The following KCNB2 variants were observed in gnomAD, a reference collection of about 807,000 sequenced individuals.
KCNB2 encodes the protein potassium voltage-gated channel subfamily B member 2.
A neutral mutation model predicts 61.5 loss-of-function variants in KCNB2; 15 were observed. The ratio of observed to expected loss-of-function variants is 0.24; its 90% CI spans 0.16 to 0.38. The LOEUF (loss-of-function observed/expected upper bound fraction) is 0.38. Ranked by LOEUF, KCNB2 falls within the 10% of genes least tolerant of loss-of-function variation. The probability of loss-of-function intolerance (pLI) is 1.00; values close to 1 mark genes in which losing one functional copy is unlikely to be tolerated. For missense variants in KCNB2, 828 were observed against 1,125.2 expected, an observed-to-expected ratio of 0.74 and a Z score of 3.78; for synonymous variants, 457 against 446.0, an observed-to-expected ratio of 1.02 and a Z score of -0.31.
At chr8:72,702,462 T>C (rs1309128713) in intron 2 of KCNB2, among the ~76,000 whole-genome samples, 1 of 152,132 alleles carries the variant, frequency 6.6e-6, no homozygotes, top group Non-Finnish European at 1.5e-5. Context: ...CTGGTTTTGT[T>C]TTCATTTTGT....
At chr8:72,746,398 TG>T (rs1808067826) in intron 2 of KCNB2, among the ~76,000 whole-genome samples, 1 of 152,176 alleles carries the variant, frequency 6.6e-6, no homozygotes, top group Non-Finnish European at 1.5e-5. Context: ...AGAACCTCAA[TG>T]TCCTTAACAT....
chr8:72,928,901 C>T (rs1460934499), intron 2 of KCNB2, among the ~76,000 whole-genome samples: 2 of 151,738 alleles, frequency 1.3e-5, no homozygotes, highest in African/African-American at 4.8e-5. Flanking sequence ...TAAAAATGAG[C>T]ATTAAATAGT....
At chr8:72,899,749 A>G (rs1185684241) in intron 2 of KCNB2, among the ~76,000 whole-genome samples, 2 of 152,190 alleles carry the variant, frequency 1.3e-5, no homozygotes, top group East Asian at 3.8e-4. Context: ...AAATGGAAAA[A>G]CATCCCATCC....
chr8:72,827,858 G>T (rs759662190), intron 2 of KCNB2, among the ~76,000 whole-genome samples: 52 of 151,566 alleles, frequency 3.4e-4, no homozygotes, highest in Non-Finnish European at 6.8e-4. Context: ...TGCCGCCCAG[G>T]CTAGACTCCA....
At chr8:72,915,244 G>A (rs1585972758) in intron 2 of KCNB2, among the ~76,000 whole-genome samples, 1 of 152,038 alleles carries the variant, frequency 6.6e-6, no homozygotes, top group East Asian at 1.9e-4. Flanking sequence ...AAAACAATAG[G>A]AAGAAGCTGC....
intron 2 of KCNB2, among the ~76,000 whole-genome samples, chr8:72,897,613 C>G (rs190695289): frequency 7.2e-5 from 11 of 152,240 alleles, no homozygotes; most frequent in Admixed American, 7.2e-4. Context: ...TACAGCCATG[C>G]AAAACTGAAG....
intron 1 of KCNB2, among the ~76,000 whole-genome samples, chr8:72,554,935 A>G (rs1298678458): frequency 2.0e-5 from 3 of 152,068 alleles, no homozygotes; most frequent in African/African-American, 7.2e-5. Context: ...TACAGGAATT[A>G]TTTATGTTCA....
intron 1 of KCNB2, among the ~76,000 whole-genome samples, chr8:72,554,627 G>A (rs1806395451): frequency 6.6e-6 from 1 of 152,016 alleles, no homozygotes; most frequent in Non-Finnish European, 1.5e-5. Context: ...AAAAGGCCCT[G>A]GGAAGATTGT....
At chr8:72,743,307 T>G (rs749002524) in intron 2 of KCNB2, among the ~76,000 whole-genome samples, 1 of 152,208 alleles carries the variant, frequency 6.6e-6, no homozygotes, top group Non-Finnish European at 1.5e-5. Flanking sequence ...GAGTTATAAA[T>G]GTGGCAATAT....
intron 2 of KCNB2, among the ~76,000 whole-genome samples, chr8:72,911,965 T>C (rs1806303908): frequency 6.6e-6 from 1 of 152,192 alleles, no homozygotes; most frequent in Non-Finnish European, 1.5e-5. Flanking sequence ...CAACCAAGGG[T>C]AATAATGGTA....
rs530361555 is a variant in KCNB2, at chr8:72,618,196, T to A, written c.579+49883T>A. ...TGCACATGTGTGTTAAAAAAAAAAA[T>A]CCCAAAGAACTAGCATCCCAAATGA... On this transcript the variant is annotated intron_variant, in intron 2 of 2. Transcript: ENST00000523207. Among the ~76,000 whole-genome samples, 46 of 151,000 alleles carry A rather than the reference T, an allele frequency of 3.0e-4. No homozygotes were observed. In the South Asian group the frequency reaches 9.6e-3, roughly 32 times the overall value.
At chr8:72,636,633 G>C (rs148738578) in intron 2 of KCNB2, among the ~76,000 whole-genome samples, 476 of 152,208 alleles carry the variant, frequency 3.1e-3, no homozygotes, top group Non-Finnish European at 5.3e-3. Flanking sequence ...ACTTACCCAA[G>C]GTCATACAGC....
chr8:72,589,719 G>A, intron 2 of KCNB2, among the ~76,000 whole-genome samples: 2 of 151,146 alleles, frequency 1.3e-5, no homozygotes, highest in East Asian at 2.0e-4. Context: ...AAGACTGATT[G>A]TACTTTCTTT....
chr8:72,578,898 G>T (rs925257363), intron 2 of KCNB2, among the ~76,000 whole-genome samples: 3 of 152,204 alleles, frequency 2.0e-5, no homozygotes, highest in African/African-American at 7.2e-5. Context: ...TGAGCCTGCA[G>T]ATCAGATGAC....
At chr8:72,730,948 A>G (rs1807729053) in intron 2 of KCNB2, among the ~76,000 whole-genome samples, 2 of 152,186 alleles carry the variant, frequency 1.3e-5, no homozygotes, top group South Asian at 4.1e-4. Flanking sequence ...GCAGTGGTGC[A>G]GGGGTTTAGC....
intron 2 of KCNB2, among the ~76,000 whole-genome samples, chr8:72,639,235 G>C (rs1024982549): frequency 6.6e-6 from 1 of 151,956 alleles, no homozygotes; most frequent in African/African-American, 2.4e-5. Flanking sequence ...AAAAACCCTG[G>C]GCTGCATAAC....
intron 2 of KCNB2, among the ~76,000 whole-genome samples, chr8:72,639,065 A>G (rs981439768): frequency 6.6e-6 from 1 of 152,148 alleles, no homozygotes; most frequent in African/African-American, 2.4e-5. Flanking sequence ...CAGTGATGGC[A>G]TGGGCTGATA....
At chr8:72,566,704 C>G (rs1159465868) in intron 1 of KCNB2, among the ~76,000 whole-genome samples, 3 of 91,378 alleles carry the variant, frequency 3.3e-5, no homozygotes, top group African/African-American at 1.3e-4. Flanking sequence ...GAGTGAGACT[C>G]TATTTCAAAA....
chr8:72,680,235 G>T (rs1459650538), intron 2 of KCNB2, among the ~76,000 whole-genome samples: 1 of 152,180 alleles, frequency 6.6e-6, no homozygotes, highest in Non-Finnish European at 1.5e-5. Flanking sequence ...TACAAGGAAG[G>T]CATGGGTGGA....
Sources: gnomAD v4.1 joint callset for allele counts (sites outside exome capture counted in the v4.1 genomes callset) on GRCh38, gnomAD v4.1.1 for gene constraint, MANE v1.5 for transcripts, NCBI Gene and HGNC (gene_info 2026-07-23, HGNC 2026-07-21) for gene names.